The following CROCC2 variants were observed in gnomAD, a reference collection of about 807,000 sequenced individuals.
CROCC2 encodes the protein ciliary rootlet coiled-coil, rootletin family member 2.
CROCC2 carries 163 observed loss-of-function variants against 177.6 expected under a neutral mutation model. The observed-to-expected ratio is 0.92, with a 90% CI of 0.81 to 1.05. The LOEUF (loss-of-function observed/expected upper bound fraction) is 1.05. Among genes scored for constraint, CROCC2 ranks in the 50% least tolerant of loss-of-function variants. The pLI, the probability that CROCC2 is intolerant of heterozygous loss-of-function variation, is 0.00. For synonymous variants in CROCC2, 904 were observed against 787.3 expected (o/e 1.15, Z -2.48); for missense variants, 1,929 against 1,797.8 (o/e 1.07, Z -1.32).
At chr2:240,986,235 A>G (rs1233907458) in intron 28 of CROCC2, among the ~76,000 whole-genome samples, 1 of 152,152 alleles carries the variant, frequency 6.6e-6, no homozygotes, top group South Asian at 2.1e-4. Flanking sequence ...AGGGTGGGGT[A>G]GTCCTGGTGG....
At chr2:240,951,777 T>C (rs192417379) in intron 18 of CROCC2, among the ~76,000 whole-genome samples, 156 of 152,246 alleles carry the variant, frequency 1.0e-3, no homozygotes, top group Non-Finnish European at 2.0e-3. Context: ...TATCCATCCA[T>C]CTACCTGGAT....
intron 7 of CROCC2, 81 bp from the exon 8 acceptor site, chr2:240,932,237 G>A (rs2059436261): frequency 7.6e-6 from 5 of 654,944 alleles, no homozygotes; most frequent in Admixed American, 2.2e-5. Context: ...GCACAAAGGA[G>A]TCCGGGCAGA....
At chr2:240,940,303 G>A (rs566978600) in intron 14 of CROCC2, among the ~76,000 whole-genome samples, 45 of 152,056 alleles carry the variant, frequency 3.0e-4, no homozygotes, top group Non-Finnish European at 5.2e-4. Context: ...ATGAGGAATT[G>A]GTATTTTATC....
At chr2:240,959,825 C>T (rs181685204) in intron 20 of CROCC2, 170 of 169,256 alleles carry the variant, frequency 1.0e-3, no homozygotes, top group Non-Finnish European at 1.9e-3. Context: ...GTCACGGTGC[C>T]AGCTGAGTGG....
At chr2:240,930,581 G>T (rs1015159244) in intron 6 of CROCC2, among the ~76,000 whole-genome samples, 1 of 152,116 alleles carries the variant, frequency 6.6e-6, no homozygotes, top group Non-Finnish European at 1.5e-5. Context: ...GGAGCTTCTG[G>T]AGTCTGTCCA....
intron 20 of CROCC2, among the ~76,000 whole-genome samples, chr2:240,961,731 C>T (rs369941423): frequency 2.7e-5 from 4 of 148,582 alleles, no homozygotes; most frequent in African/African-American, 1.0e-4. Context: ...CACGTATGCA[C>T]ACCACGTACA....
intron 3 of CROCC2, among the ~76,000 whole-genome samples, chr2:240,921,726 C>G (rs2059358440): frequency 6.6e-6 from 1 of 152,210 alleles, no homozygotes. Flanking sequence ...ACCCCCAGAC[C>G]CCGCCCGGCT....
At chr2:240,929,285 T>C (rs552392191) in intron 5 of CROCC2, among the ~76,000 whole-genome samples, 1 of 152,246 alleles carries the variant, frequency 6.6e-6, no homozygotes, top group South Asian at 2.1e-4. Context: ...GGGCAGGATG[T>C]GAGTGCTCTA....
At chr2:240,983,534 C>A (rs1328158871) in intron 28 of CROCC2, 1 of 1,267,216 alleles carries the variant, frequency 7.9e-7, no homozygotes, top group Non-Finnish European at 1.0e-6. Flanking sequence ...CGAGCGGGCG[C>A]GTCTGCAGGG....
chr2:240,968,621 C>T (rs754844899), intron 27 of CROCC2, among the ~76,000 whole-genome samples: 1 of 152,222 alleles, frequency 6.6e-6, no homozygotes, highest in African/African-American at 2.4e-5. Flanking sequence ...GAGGCCACAG[C>T]GGCAGGCATG....
At chr2:240,938,921 G>C (rs549749200) in intron 14 of CROCC2, among the ~76,000 whole-genome samples, 1 of 151,990 alleles carries the variant, frequency 6.6e-6, no homozygotes, top group Non-Finnish European at 1.5e-5. Flanking sequence ...TCACTTATAA[G>C]TACTAAGGTT....
chr2:240,988,392 C>T (rs1383568748), intron 28 of CROCC2, among the ~76,000 whole-genome samples: 1 of 152,122 alleles, frequency 6.6e-6, no homozygotes, highest in Admixed American at 6.5e-5. Context: ...GCTCATGAGA[C>T]CTGGAGGAAC....
At chr2:240,988,059 C>T (rs536604613) in intron 28 of CROCC2, among the ~76,000 whole-genome samples, 57 of 152,306 alleles carry the variant, frequency 3.7e-4, no homozygotes, top group African/African-American at 1.1e-3. Context: ...AGGGCCCATT[C>T]GCAAGGGAAC....
At chr2:240,948,092 A>AG (rs1198428115) in intron 15 of CROCC2, among the ~76,000 whole-genome samples, 7 of 152,240 alleles carry the variant, frequency 4.6e-5, no homozygotes, top group Non-Finnish European at 8.8e-5. Context: ...TACACGCAGA[A>AG]GGGGGAAGAG....
chr2:240,929,489 C>G (rs1438661632), intron 5 of CROCC2, among the ~76,000 whole-genome samples: 1 of 152,070 alleles, frequency 6.6e-6, no homozygotes. Flanking sequence ...ACTGTGCACA[C>G]ACAATTCCCC....
intron 4 of CROCC2, among the ~76,000 whole-genome samples, chr2:240,925,020 C>A (rs1170588143): frequency 2.9e-5 from 4 of 136,266 alleles, no homozygotes; most frequent in Non-Finnish European, 4.6e-5. Context: ...TGACCCAGCC[C>A]CCACATTAAC....
At chr2:240,911,366 G>A (rs905099954) in intron 1 of CROCC2, among the ~76,000 whole-genome samples, 1 of 145,258 alleles carries the variant, frequency 6.9e-6, no homozygotes, top group Non-Finnish European at 1.5e-5. Flanking sequence ...GTGCGATCTC[G>A]GCTCACAGCA....
At chr2:240,943,482 C>G (rs2059505320) in intron 14 of CROCC2, among the ~76,000 whole-genome samples, 1 of 136,630 alleles carries the variant, frequency 7.3e-6, no homozygotes, top group Admixed American at 7.4e-5. Context: ...TTAGCTAAAG[C>G]TTTTTTTTTT....
At chr2:240,921,873 C>G (rs1322034449) in intron 3 of CROCC2, among the ~76,000 whole-genome samples, 1 of 152,200 alleles carries the variant, frequency 6.6e-6, no homozygotes, top group Non-Finnish European at 1.5e-5. Flanking sequence ...ACCCCTCCAC[C>G]TAGGCCATCC....
Sources: gnomAD v4.1 joint callset for allele counts (sites outside exome capture counted in the v4.1 genomes callset) on GRCh38, gnomAD v4.1.1 for gene constraint, MANE v1.5 for transcripts, NCBI Gene and HGNC (gene_info 2026-07-23, HGNC 2026-07-21) for gene names.